Variants in COPB2 observed in about 807,000 individuals in gnomAD.
COPB2 encodes coatomer subunit beta'.
COPB2 carries 16 observed loss-of-function variants against 120.8 expected under a neutral mutation model. The observed-to-expected ratio is 0.13, with a 90% CI of 0.09 to 0.20. The LOEUF (loss-of-function observed/expected upper bound fraction) is 0.20. COPB2 is among the 10% of genes least tolerant of loss of function. The pLI is 1.00. For synonymous variants in COPB2, 332 were observed against 366.3 expected, an observed-to-expected ratio of 0.91 and a Z score of 1.07; for missense variants, 794 against 1,076.5, an observed-to-expected ratio of 0.74 and a Z score of 3.67.
intron 7 of COPB2, 127 bp from the exon 8 acceptor site, chr3:139,373,935 A>C: frequency 9.4e-7 from 1 of 1,068,382 alleles, no homozygotes; most frequent in Non-Finnish European, 1.3e-6. Flanking sequence ...TTAATGACCA[A>C]TTTTTTGACC....
chr3:139,379,416 C>T lies in COPB2; in HGVS notation c.192G>A (p.Lys64=), dbSNP rs781671053. 4.3e-6 allele frequency: 7 copies of T among 1,614,128 alleles called. No individual in the cohort carries two copies. Among genetic ancestry groups the T allele is most frequent in the Non-Finnish European group, 3.4e-6 (4 of 1,179,998 alleles). ...CAACCCAATTCTTCCTTGCAACAAA[C>T]TTTGCAGCTCGAACAGGAAGATCAC... ...EVCDLPVRAA[K]FVARKNWVVT... is the part of the protein sequence containing the mutation. The change falls in exon 3 of 22, where the codon AAG becomes AAA. Residue 64 remains lysine (K), a synonymous_variant. Coordinates refer to ENST00000333188, the MANE Select transcript of COPB2 (RefSeq NM_004766.3).
rs147979769 is a variant in COPB2, at chr3:139,379,027, C to G, written c.355+20G>C. The G allele has an allele frequency of 6.4e-7, 1 of 1,558,122 alleles. No homozygotes were observed. Among genetic ancestry groups the G allele is most frequent in the Non-Finnish European group, 8.6e-7 (1 of 1,157,038 alleles). On this transcript the variant is annotated intron_variant, in intron 4 of 21. Transcript: ENST00000333188. ...AATTACCCAAAGAGACGCACATGAC[C>G]AAAAAAGGTCATCTCTTACCACTGC...
At chr3:139,358,353 C>T in intron 20 of COPB2, 82 bp from the exon 21 acceptor site, 9 of 1,252,942 alleles carry the variant, frequency 7.2e-6, no homozygotes, top group Non-Finnish European at 1.0e-5. Flanking sequence ...AAAGGATGAT[C>T]AGAATTAGGA....
chr3:139,388,629 T>G (rs1241002259), intron 1 of COPB2, among the ~76,000 whole-genome samples: 1 of 146,380 alleles, frequency 6.8e-6, no homozygotes, highest in African/African-American at 2.5e-5. Context: ...ATAACAAGTT[T>G]TTTTTTTTTT....
chr3:139,389,035 C>G (rs577403501), intron 1 of COPB2, among the ~76,000 whole-genome samples: 1 of 152,134 alleles, frequency 6.6e-6, no homozygotes, highest in Admixed American at 6.6e-5. Flanking sequence ...CTTCTTCTCC[C>G]CTTAGAAACC....
chr3:139,371,647 A>T, intron 10 of COPB2, 76 bp downstream of exon 10: 2 of 1,233,310 alleles, frequency 1.6e-6, no homozygotes, highest in Non-Finnish European at 2.4e-6. Context: ...GCCCACATCA[A>T]GCCTTGAGAG....
At chr3:139,358,118 C>A in intron 21 of COPB2, 82 bp downstream of exon 21, 2 of 1,308,848 alleles carry the variant, frequency 1.5e-6, no homozygotes, top group Non-Finnish European at 2.2e-6. Context: ...GTCACTTAAA[C>A]CACAGAGGCC....
At chr3:139,384,746 G>A (rs1273622323) in intron 1 of COPB2, among the ~76,000 whole-genome samples, 1 of 152,262 alleles carries the variant, frequency 6.6e-6, no homozygotes, top group East Asian at 1.9e-4. Context: ...AAGTGAAAAT[G>A]ACTTTTTAAA....
In COPB2 at chr3:139,379,254, A is replaced by G; in HGVS notation, c.229-81T>C. On this transcript the variant is annotated intron_variant, in intron 3 of 21. Coordinates refer to ENST00000333188, the MANE Select transcript of COPB2 (RefSeq NM_004766.3). Reference sequence around the variant, plus strand: ...AAACTATATCACAGGCTCAAGGAATAAAGTCTATGCCTCAAAACATTGCTG... The same window carrying G: ...AAACTATATCACAGGCTCAAGGAATGAAGTCTATGCCTCAAAACATTGCTG... The G allele has an allele frequency of 1.9e-6, 3 of 1,547,946 alleles. No individual in the cohort carries two copies. The Admixed American group carries it at 5.6e-5, about 29-fold the overall frequency.
chr3:139,358,529 A>G, intron 20 of COPB2: 1 of 601,498 alleles, frequency 1.7e-6, no homozygotes, highest in East Asian at 2.8e-5. Context: ...ATACAAAAAA[A>G]TTAGCCGGAC....
At chr3:139,372,647 C>T (rs1373013979) in intron 9 of COPB2, among the ~76,000 whole-genome samples, 1 of 152,158 alleles carries the variant, frequency 6.6e-6, no homozygotes, top group Non-Finnish European at 1.5e-5. Flanking sequence ...CCCAGACCTG[C>T]TGTAAAATAA....
Position 139,359,012 on chromosome 3 carries a change from ATTG to A in COPB2, c.2467_2469del (p.Gln823del). Reference sequence around the variant, plus strand: ...TGGCCACTCACCGTGACAAGTGGGTATTGTTTGGCTGGCCACAGATCAGCATGT... The same window carrying A: ...TGGCCACTCACCGTGACAAGTGGGTATTTGGCTGGCCACAGATCAGCATGT... On this transcript the variant is annotated inframe_deletion, in exon 19 of 22. Transcript: ENST00000333188. 6.2e-7 allele frequency: 1 copy of A among 1,612,742 alleles called. No homozygotes were observed. The highest frequency in any genetic ancestry group is 8.5e-7 in the Non-Finnish European group (1 of 1,179,590).
chr3:139,358,005 AG>A (rs1941325019), intron 21 of COPB2, 47 bp from the exon 22 acceptor site: 2 of 1,203,178 alleles, frequency 1.7e-6, no homozygotes, highest in Non-Finnish European at 1.2e-6. Context: ...GTACTGTTAA[AG>A]GAAAGTTATC....
Position 139,373,674 on chromosome 3 carries a change from T to C in COPB2, c.886A>G (p.Ile296Val). Reference protein sequence around the residue: ...VALGYDEGSIIVKLGREEPAM... With the variant: ...VALGYDEGSIVVKLGREEPAM... ...AGGGATAGTATAATTACCTTAACAA[T>C]GATGCTCCCTTCATCATAGCCCAAA... The change falls in exon 8 of 22, where the codon ATT becomes GTT. Residue 296 changes from isoleucine (I) to valine (V), a missense_variant. By Grantham distance (29) the Ile-to-Val change is conservative (BLOSUM62 3). Transcript: ENST00000333188. The C allele has an allele frequency of 6.2e-7, 1 of 1,614,130 alleles. No individual in the cohort carries two copies. The highest frequency in any genetic ancestry group is 8.5e-7 in the Non-Finnish European group (1 of 1,180,006).
chr3:139,359,049 C>T lies in COPB2; in HGVS notation c.2433G>A (p.Val811=). The T allele has an allele frequency of 1.2e-6, 2 of 1,614,060 alleles. No homozygotes were observed. Among genetic ancestry groups the T allele is most frequent in the South Asian group, 2.2e-5 (2 of 91,064 alleles). Residue 811 remains valine, a synonymous_variant, in exon 19 of 22, where the codon GTG becomes GTA. Coordinates refer to ENST00000333188, the MANE Select transcript of COPB2 (RefSeq NM_004766.3). ...GCCACAGATCAGCATGTGTTTCCTTCACCCATTCTTCAACAACAAAGGCTT... is the reference window on the plus strand; with the variant it reads ...GCCACAGATCAGCATGTGTTTCCTTTACCCATTCTTCAACAACAAAGGCTT... The part of the protein sequence containing the change: ...LKEAFVVEEW[V]KETHADLWPA...
chr3:139,375,720 G>T, intron 5 of COPB2, 106 bp from the exon 6 acceptor site: 2 of 1,275,606 alleles, frequency 1.6e-6, no homozygotes, highest in Non-Finnish European at 2.1e-6. Flanking sequence ...GCCCAGGAGA[G>T]AAGAGCTATC....
intron 1 of COPB2, among the ~76,000 whole-genome samples, chr3:139,388,641 T>C (rs1252061083): frequency 6.7e-6 from 1 of 150,130 alleles, no homozygotes; most frequent in Non-Finnish European, 1.5e-5. Context: ...TTTTTTTTTT[T>C]TTTTGAGACG....
At chr3:139,360,454 G>A (rs1230493184) in intron 17 of COPB2, among the ~76,000 whole-genome samples, 1 of 147,644 alleles carries the variant, frequency 6.8e-6, no homozygotes, top group Admixed American at 6.8e-5. Flanking sequence ...GGAGACAGAG[G>A]CTGCAATTAG....
At chr3:139,361,403 TG>T in intron 16 of COPB2, 108 bp from the exon 17 acceptor site, 1 of 1,114,798 alleles carries the variant, frequency 9.0e-7, no homozygotes, top group Non-Finnish European at 1.3e-6. Context: ...GAGCTGTGTT[TG>T]TTAAGTTGGC....
Sources: allele counts gnomAD v4.1 joint callset (sites outside exome capture counted in the v4.1 genomes callset), GRCh38; gene constraint gnomAD v4.1.1; transcripts MANE v1.5; gene names NCBI Gene and HGNC (gene_info 2026-07-23, HGNC 2026-07-21).